RNF150: variants seen among roughly 807,000 people sequenced by gnomAD.
The protein encoded by RNF150 is ring finger protein 150.
In RNF150, 24 loss-of-function variants were observed where a neutral mutation model predicts 39.3. That is an observed-to-expected ratio of 0.61 (90% CI 0.44 to 0.86). The LOEUF is 0.86. RNF150 is among the 40% of genes least tolerant of loss of function. RNF150 has a pLI of 0.00. For missense variants in RNF150, 502 were observed against 587.8 expected (o/e 0.85, Z 1.51); for synonymous variants, 255 against 227.3 (o/e 1.12, Z -1.10).
chr4:140,892,597 T>C (rs1303611885), intron 6 of RNF150, among the ~76,000 whole-genome samples: 3 of 152,234 alleles, frequency 2.0e-5, no homozygotes, highest in Admixed American at 6.5e-5. Context: ...TTCCATACAA[T>C]GGCAATTTTG....
chr4:140,971,231 A>G (rs536619818), intron 1 of RNF150, among the ~76,000 whole-genome samples: 2 of 151,886 alleles, frequency 1.3e-5, no homozygotes, highest in African/African-American at 4.8e-5. Flanking sequence ...GTATACTAGG[A>G]TATGCTTTGC....
At chr4:141,202,179 T>C (rs1728301767) in intron 1 of RNF150, among the ~76,000 whole-genome samples, 1 of 152,120 alleles carries the variant, frequency 6.6e-6, no homozygotes, top group Admixed American at 6.5e-5. Context: ...CTCCAGTAAA[T>C]AGAATTATTT....
chr4:141,076,327 T>G (rs1737894963), intron 1 of RNF150, among the ~76,000 whole-genome samples: 1 of 152,130 alleles, frequency 6.6e-6, no homozygotes, highest in South Asian at 2.1e-4. Flanking sequence ...TTTTAAAAAA[T>G]AATAAACAAC....
intron 1 of RNF150, among the ~76,000 whole-genome samples, chr4:141,000,169 AAG>A (rs1734615758): frequency 6.6e-6 from 1 of 152,132 alleles, no homozygotes; most frequent in Admixed American, 6.5e-5. Context: ...AAGCTAAAGA[AAG>A]AGCTTTATCA....
intron 1 of RNF150, among the ~76,000 whole-genome samples, chr4:141,098,935 A>G (rs999382248): frequency 4.6e-5 from 7 of 152,182 alleles, no homozygotes; most frequent in African/African-American, 1.7e-4. Context: ...AGTTGTTTTT[A>G]ACAATCACGA....
chr4:140,897,030 G>A (rs1344858860), intron 6 of RNF150, among the ~76,000 whole-genome samples: 3 of 152,078 alleles, frequency 2.0e-5, no homozygotes, highest in Non-Finnish European at 4.4e-5. Flanking sequence ...TTTGGACCAG[G>A]GCTGTAAGGA....
chr4:141,136,528 A>G (rs1578761470), upstream of RNF150, among the ~76,000 whole-genome samples: 1 of 152,156 alleles, frequency 6.6e-6, no homozygotes, highest in East Asian at 1.9e-4. Flanking sequence ...TCTTTTTTCC[A>G]GTGGCACTTC....
intron 1 of RNF150, among the ~76,000 whole-genome samples, chr4:140,971,401 A>T (rs552884810): frequency 6.6e-6 from 1 of 152,260 alleles, no homozygotes; most frequent in East Asian, 1.9e-4. Flanking sequence ...AACAAATAGC[A>T]TATTTGGTAT....
intron 1 of RNF150, among the ~76,000 whole-genome samples, chr4:141,021,421 CT>C (rs1462340776): frequency 6.6e-6 from 1 of 152,170 alleles, no homozygotes; most frequent in Non-Finnish European, 1.5e-5. Flanking sequence ...TGGCTTTGTT[CT>C]CCAGCAAAGT....
chr4:141,115,317 C>G (rs1560746390), intron 1 of RNF150, among the ~76,000 whole-genome samples: 1 of 152,134 alleles, frequency 6.6e-6, no homozygotes, highest in Non-Finnish European at 1.5e-5. Context: ...AATCAATATG[C>G]AAAAATCACA....
rs369733019 is a variant in RNF150, at chr4:141,117,582, T to G, written c.484+14743A>C. Among the ~76,000 whole-genome samples the G allele has an allele frequency of 1.2e-4, 18 of 152,348 alleles. No individual in the cohort carries two copies. In the East Asian group the frequency reaches 3.5e-3, roughly 29 times the overall value. On this transcript the variant is annotated intron_variant, in intron 1 of 6. Transcript: ENST00000515673. ...ACATCATTTATACCATCTAGAACACTCTACAATGTTCATACAACAATAAAA... is the reference window on the plus strand; with the variant it reads ...ACATCATTTATACCATCTAGAACACGCTACAATGTTCATACAACAATAAAA...
At chr4:141,172,767 G>A (rs1415641241) in intron 1 of RNF150, among the ~76,000 whole-genome samples, 1 of 152,182 alleles carries the variant, frequency 6.6e-6, no homozygotes, top group Non-Finnish European at 1.5e-5. Flanking sequence ...GCTCATGCCT[G>A]TAATCCCAGC....
intron 1 of RNF150, among the ~76,000 whole-genome samples, chr4:141,016,617 C>T (rs1735288034): frequency 6.6e-6 from 1 of 152,226 alleles, no homozygotes; most frequent in Admixed American, 6.5e-5. Flanking sequence ...CTGAGTGAAG[C>T]CAGGAACCTG....
At chr4:141,103,634 G>A (rs749943324) in intron 1 of RNF150, among the ~76,000 whole-genome samples, 8 of 152,076 alleles carry the variant, frequency 5.3e-5, no homozygotes, top group South Asian at 2.1e-4. Flanking sequence ...AAAGTTTCAC[G>A]GAACAATAGC....
intron 1 of RNF150, among the ~76,000 whole-genome samples, chr4:140,978,620 T>G (rs1294364086): frequency 6.6e-6 from 1 of 152,150 alleles, no homozygotes; most frequent in African/African-American, 2.4e-5. Flanking sequence ...GAATACAGAA[T>G]TATTTATTGA....
At position 140,967,608 on chromosome 4, in the gene RNF150, C is replaced by T; in HGVS notation, c.735+15G>A. The T allele has an allele frequency of 6.4e-7, 1 of 1,570,472 alleles. No individual in the cohort carries two copies. Among genetic ancestry groups the T allele is most frequent in the African/African-American group, 1.4e-5 (1 of 72,988 alleles). The stretch of plus-strand genomic sequence containing the variant: ...GTAACAATTTTTAAAAGTTTTTTAA[C>T]TTTTTGCTACTCACCTGGTTCCTAT... On this transcript the variant is annotated intron_variant, in intron 2 of 6. Coordinates refer to ENST00000515673, the MANE Select transcript of RNF150 (RefSeq NM_020724.2).
intron 1 of RNF150, among the ~76,000 whole-genome samples, chr4:141,003,577 ACAC>A (rs1365367482): frequency 2.7e-5 from 2 of 74,710 alleles, no homozygotes; most frequent in East Asian, 6.1e-4. Flanking sequence ...ACACACACAC[ACAC>A]ACACACACAC....
intron 6 of RNF150, among the ~76,000 whole-genome samples, chr4:140,907,388 C>T (rs1015323455): frequency 1.3e-5 from 2 of 152,168 alleles, no homozygotes; most frequent in Non-Finnish European, 2.9e-5. Flanking sequence ...GTTTGAATTT[C>T]CTTGGCTCTG....
intron 1 of RNF150, among the ~76,000 whole-genome samples, chr4:141,122,760 G>C (rs1218095520): frequency 1.3e-5 from 2 of 152,120 alleles, no homozygotes; most frequent in African/African-American, 4.8e-5. Context: ...TTTGATAAAA[G>C]TAAATGTAAT....
Sources: allele counts gnomAD v4.1 joint callset (sites outside exome capture counted in the v4.1 genomes callset), GRCh38; gene constraint gnomAD v4.1.1; transcripts MANE v1.5; gene names NCBI Gene and HGNC (gene_info 2026-07-23, HGNC 2026-07-21).